The following NCOA2 variants were observed in gnomAD, a reference collection of about 807,000 sequenced individuals.
NCOA2 encodes class E basic helix-loop-helix protein 75.
NCOA2 carries 21 observed loss-of-function variants against 145.1 expected under a neutral mutation model. The observed-to-expected ratio is 0.14, with a 90% CI of 0.10 to 0.21. NCOA2 has a LOEUF of 0.21. Among genes scored for constraint, NCOA2 ranks in the 10% least tolerant of loss-of-function variants. The pLI, the probability that NCOA2 is intolerant of heterozygous loss-of-function variation, is 1.00. For missense variants in NCOA2, 1,472 were observed against 1,837.6 expected (o/e 0.80, Z 3.64); for synonymous variants, 619 against 637.5 (o/e 0.97, Z 0.44).
chr8:70,117,595 C>T (rs1189122858), intron 22 of NCOA2, among the ~76,000 whole-genome samples: 2 of 152,234 alleles, frequency 1.3e-5, no homozygotes, highest in Non-Finnish European at 1.5e-5. Flanking sequence ...CATTGTTGGC[C>T]TTCTCCAATG....
At chr8:70,221,977 A>C (rs1231671166) in intron 2 of NCOA2, among the ~76,000 whole-genome samples, 1 of 152,176 alleles carries the variant, frequency 6.6e-6, no homozygotes, top group Non-Finnish European at 1.5e-5. Flanking sequence ...CTTTTTTACT[A>C]GATCATAAGG....
At chr8:70,127,279 AGT>A (rs1407638780) in intron 18 of NCOA2, among the ~76,000 whole-genome samples, 5 of 152,220 alleles carry the variant, frequency 3.3e-5, no homozygotes, top group Non-Finnish European at 7.3e-5. Context: ...AGCAGAGTTA[AGT>A]TTGATGCTAA....
the NCOA2 span, among the ~76,000 whole-genome samples, chr8:70,441,113 A>G: frequency 7.8e-3 from 358 of 46,076 alleles, 3 homozygotes; most frequent in Non-Finnish European, 0.016. Flanking sequence ...AGAGAGAGAA[A>G]GAAAGAAAGA....
chr8:70,270,710 T>C (rs919696282), intron 2 of NCOA2, among the ~76,000 whole-genome samples: 6 of 152,228 alleles, frequency 3.9e-5, no homozygotes, highest in African/African-American at 1.4e-4. Context: ...CCTATCCCTT[T>C]AACAATAACA....
At chr8:70,403,367 C>G (rs924440844) in intron 1 of NCOA2, among the ~76,000 whole-genome samples, 1 of 151,328 alleles carries the variant, frequency 6.6e-6, no homozygotes, top group Non-Finnish European at 1.5e-5. Context: ...AGCCTCCGCC[C>G]GCCTCGCGCT....
chr8:70,137,822 T>C (rs1232811780), intron 15 of NCOA2, among the ~76,000 whole-genome samples: 1 of 152,208 alleles, frequency 6.6e-6, no homozygotes, highest in Admixed American at 6.5e-5. Context: ...CCCTGTGATA[T>C]GCAGCTTTTA....
At chr8:70,312,225 T>C (rs571064972) in intron 1 of NCOA2, among the ~76,000 whole-genome samples, 3 of 152,344 alleles carry the variant, frequency 2.0e-5, no homozygotes, top group South Asian at 2.1e-4. Flanking sequence ...TAAATGAATA[T>C]ACTGTTTCTT....
chr8:70,305,588 G>C (rs1827823911), intron 1 of NCOA2, among the ~76,000 whole-genome samples: 1 of 151,968 alleles, frequency 6.6e-6, no homozygotes, highest in Non-Finnish European at 1.5e-5. Context: ...TTACTGCTCT[G>C]CCTGCCTGCT....
At position 70,321,793 on chromosome 8, in the gene NCOA2, C is replaced by CTTTTTTTTTT. The variant is rs559680322; in HGVS notation, c.-76-25003_-76-24994dup. Among the ~76,000 whole-genome samples the CTTTTTTTTTT allele has an allele frequency of 1.9e-3, 138 of 73,560 alleles. 31 individuals are homozygous for CTTTTTTTTTT. The highest frequency in any genetic ancestry group is 6.8e-3 in the African/African-American group (108 of 15,896). 48.3% of individuals were successfully genotyped at this position (73,560 alleles called of 152,430 possible). A position where few individuals can be genotyped will look rare whatever the true frequency, so the allele number is the denominator to read the frequency against. ...TGCTTTCCTAAGTTTCAGAATATAC[C>CTTTTTTTTTT]TTTTTTTTTTTTTTTTTTTTTTTTT... On this transcript the variant is annotated intron_variant, in intron 1 of 22. Transcript: ENST00000452400.
intron 1 of NCOA2, among the ~76,000 whole-genome samples, chr8:70,338,054 C>T (rs976054407): frequency 8.6e-5 from 13 of 151,690 alleles, no homozygotes; most frequent in African/African-American, 3.2e-4. Flanking sequence ...CAAAAATACC[C>T]GAAAGCTAGC....
chr8:70,230,071 T>C (rs930539429), intron 2 of NCOA2, among the ~76,000 whole-genome samples: 2 of 152,208 alleles, frequency 1.3e-5, no homozygotes, highest in Non-Finnish European at 2.9e-5. Flanking sequence ...ATAGCTCTTG[T>C]CAATTTAATA....
intron 4 of NCOA2, among the ~76,000 whole-genome samples, chr8:70,184,815 G>A (rs1815874969): frequency 6.6e-6 from 1 of 152,134 alleles, no homozygotes; most frequent in Admixed American, 6.6e-5. Context: ...CACCCAGGCC[G>A]CTGCTTCACC....
intron 4 of NCOA2, among the ~76,000 whole-genome samples, chr8:70,191,464 C>T (rs73684220): frequency 0.023 from 3,436 of 152,246 alleles, 125 homozygotes; most frequent in African/African-American, 0.078. Context: ...ATTTCCTAGT[C>T]CCCCCACTTA....
chr8:70,149,154 G>A (rs1811458973), intron 11 of NCOA2, among the ~76,000 whole-genome samples: 1 of 151,608 alleles, frequency 6.6e-6, no homozygotes, highest in Admixed American at 6.6e-5. Flanking sequence ...GGTAACAAAG[G>A]TAGGGAAGCA....
chr8:70,147,677 T>A (rs1352011116), intron 12 of NCOA2, among the ~76,000 whole-genome samples: 1 of 152,226 alleles, frequency 6.6e-6, no homozygotes, highest in Non-Finnish European at 1.5e-5. Context: ...ACAGACAACT[T>A]AACTTAGAAT....
chr8:70,451,666 G>A, the NCOA2 span, among the ~76,000 whole-genome samples: 2 of 152,090 alleles, frequency 1.3e-5, no homozygotes, highest in Admixed American at 6.6e-5. Flanking sequence ...GATTGACTAT[G>A]TTTGATTATT....
intron 1 of NCOA2, among the ~76,000 whole-genome samples, chr8:70,400,375 T>C (rs1018166886): frequency 3.9e-5 from 6 of 152,164 alleles, no homozygotes; most frequent in Non-Finnish European, 8.8e-5. Context: ...GATGTCTCCA[T>C]ATGCTTGAGA....
At position 70,221,150 on chromosome 8, in the gene NCOA2, T is replaced by C. The variant is rs73291108; in HGVS notation, c.-19-4386A>G. 4.3e-3 allele frequency among the ~76,000 whole-genome samples: 650 copies of C among 152,312 alleles called. 6 individuals are homozygous for C. Among genetic ancestry groups the C allele is most frequent in the African/African-American group, 0.015 (620 of 41,568 alleles). On this transcript the variant is annotated intron_variant, in intron 2 of 22. Transcript: ENST00000452400. ...TTCTGAGCTCTCTTTACGATAGACA[T>C]ATGAAATTGTGTAATATGTAGTCTA...
intron 1 of NCOA2, among the ~76,000 whole-genome samples, chr8:70,354,553 C>G (rs1355884564): frequency 1.3e-5 from 2 of 152,162 alleles, no homozygotes; most frequent in African/African-American, 2.4e-5. Flanking sequence ...GAAACTCATA[C>G]AAAAATTTGA....
Sources: gnomAD v4.1 joint callset for allele counts (sites outside exome capture counted in the v4.1 genomes callset) on GRCh38, gnomAD v4.1.1 for gene constraint, MANE v1.5 for transcripts, NCBI Gene and HGNC (gene_info 2026-07-23, HGNC 2026-07-21) for gene names.